The following CELF2 variants were observed in gnomAD, a reference collection of about 807,000 sequenced individuals.
CELF2 encodes the protein CUG triplet repeat RNA-binding protein 2.
In CELF2, 8 loss-of-function variants were observed where a neutral mutation model predicts 62.6. That is an observed-to-expected ratio of 0.13 (90% CI 0.07 to 0.23). The LOEUF (loss-of-function observed/expected upper bound fraction) is 0.23, where lower values mean the gene tolerates loss of function less well. Among genes scored for constraint, CELF2 ranks in the 10% least tolerant of loss-of-function variants. CELF2 has a pLI of 1.00. For missense variants in CELF2, 333 were observed against 671.0 expected, an observed-to-expected ratio of 0.50 and a Z score of 5.56; for synonymous variants, 258 against 250.0, an observed-to-expected ratio of 1.03 and a Z score of -0.30.
At chr10:10,918,428 A>G (rs1486166871) in intron 1 of CELF2, among the ~76,000 whole-genome samples, 1 of 152,228 alleles carries the variant, frequency 6.6e-6, no homozygotes. Context: ...ATAAAAGCTG[A>G]TTGTTTAATA....
the CELF2 span, among the ~76,000 whole-genome samples, chr10:10,681,360 C>T: frequency 6.6e-6 from 1 of 152,168 alleles, no homozygotes; most frequent in Non-Finnish European, 1.5e-5. Context: ...AAACCTCCAA[C>T]CGAGATGAAA....
intron 1 of CELF2, among the ~76,000 whole-genome samples, chr10:11,128,811 T>G (rs2059151488): frequency 6.6e-6 from 1 of 152,188 alleles, no homozygotes; most frequent in African/African-American, 2.4e-5. Flanking sequence ...TATACAATCA[T>G]GTCGTCTGCA....
At chr10:10,791,268 T>C in the CELF2 span, among the ~76,000 whole-genome samples, 1 of 151,882 alleles carries the variant, frequency 6.6e-6, no homozygotes, top group Non-Finnish European at 1.5e-5. Context: ...TTTTATAGAT[T>C]GAGTGTGGTA....
intron 1 of CELF2, among the ~76,000 whole-genome samples, chr10:11,088,998 G>A (rs2141848404): frequency 6.6e-6 from 1 of 152,344 alleles, no homozygotes; most frequent in East Asian, 1.9e-4. Flanking sequence ...CTGGGTTTGA[G>A]AGAGGCGAGC....
chr10:11,239,722 T>C (rs376111645), intron 3 of CELF2, among the ~76,000 whole-genome samples: 9 of 152,208 alleles, frequency 5.9e-5, no homozygotes, highest in South Asian at 2.1e-4. Context: ...TTTTTTAAAC[T>C]GGCTTAGATC....
chr10:11,090,294 G>A (rs2047978352), intron 1 of CELF2, among the ~76,000 whole-genome samples: 1 of 152,044 alleles, frequency 6.6e-6, no homozygotes, highest in Admixed American at 6.5e-5. Flanking sequence ...GAGGATTTTT[G>A]TATATGTTTG....
the CELF2 span, among the ~76,000 whole-genome samples, chr10:10,702,659 A>G: frequency 2.0e-5 from 3 of 152,232 alleles, no homozygotes; most frequent in Admixed American, 6.5e-5. Flanking sequence ...ATCCTGGCGC[A>G]CTGCAACTTC....
rs549947027 is a variant in CELF2 at position 10,930,734 on chromosome 10, A to AT, written c.89+10742dup. Among the ~76,000 whole-genome samples the AT allele has an allele frequency of 1.1e-3, 166 of 152,234 alleles. 1 individual carries two copies. Among genetic ancestry groups the AT allele is most frequent in the African/African-American group, 3.7e-3 (155 of 41,548 alleles). On this transcript the variant is annotated intron_variant, in intron 2 of 13. Transcript: ENST00000636488. Reference sequence around the variant, plus strand: ...AAGTTGCTCGTCCCTTGGGTGAATAATTTTTTTCCATAACCTTTTGCCATT... The same window carrying AT: ...AAGTTGCTCGTCCCTTGGGTGAATAATTTTTTTTCCATAACCTTTTGCCATT...
At chr10:11,293,269 G>T (rs1029250940) in intron 9 of CELF2, among the ~76,000 whole-genome samples, 1 of 152,138 alleles carries the variant, frequency 6.6e-6, no homozygotes, top group African/African-American at 2.4e-5. Context: ...AGTGTGGGTG[G>T]GTATAAAAGC....
intron 12 of CELF2, among the ~76,000 whole-genome samples, chr10:11,327,004 G>A (rs961948231): frequency 6.6e-6 from 1 of 152,124 alleles, no homozygotes; most frequent in East Asian, 1.9e-4. Context: ...TAATCCTAAG[G>A]TCTAATTTGT....
At chr10:11,147,061 A>G (rs1034439323) in intron 1 of CELF2, among the ~76,000 whole-genome samples, 7 of 152,230 alleles carry the variant, frequency 4.6e-5, no homozygotes, top group African/African-American at 1.7e-4. Context: ...GAGACACATT[A>G]CTACGTCCTG....
chr10:11,194,871 C>T (rs974995185), intron 2 of CELF2, among the ~76,000 whole-genome samples: 6 of 152,208 alleles, frequency 3.9e-5, no homozygotes, highest in African/African-American at 1.4e-4. Context: ...ATAGTACCAT[C>T]TGGGTTACAA....
chr10:11,040,143 A>G (rs2061578579), intron 1 of CELF2, among the ~76,000 whole-genome samples: 1 of 152,144 alleles, frequency 6.6e-6, no homozygotes, highest in Admixed American at 6.5e-5. Flanking sequence ...GAAGTTCAAG[A>G]ATTCTCAGGG....
the CELF2 span, among the ~76,000 whole-genome samples, chr10:10,595,253 G>C: frequency 3.3e-5 from 5 of 152,248 alleles, no homozygotes; most frequent in African/African-American, 1.2e-4. Flanking sequence ...AAATCTAAAG[G>C]CCTGAAGACT....
At chr10:11,279,345 C>CT (rs1395117037) in intron 8 of CELF2, among the ~76,000 whole-genome samples, 1 of 152,156 alleles carries the variant, frequency 6.6e-6, no homozygotes, top group East Asian at 1.9e-4. Context: ...CATTTATCAA[C>CT]TTGAGATCTG....
At chr10:10,799,399 G>A (rs1418280429) in intron 1 of CELF2, among the ~76,000 whole-genome samples, 2 of 151,978 alleles carry the variant, frequency 1.3e-5, no homozygotes, top group African/African-American at 2.4e-5. Context: ...CAGAAAAATC[G>A]CTTAAACTTA....
chr10:10,913,207 A>ATTC (rs2063967286), intron 1 of CELF2, among the ~76,000 whole-genome samples: 1 of 152,124 alleles, frequency 6.6e-6, no homozygotes, highest in Non-Finnish European at 1.5e-5. Context: ...CATAGTGATG[A>ATTC]ATGACCAGAG....
chr10:10,906,170 CTATT>C (rs10617615), intron 1 of CELF2, among the ~76,000 whole-genome samples: 47,909 of 151,384 alleles, frequency 0.32, 8,347 homozygotes, highest in East Asian at 0.67. Context: ...GGCTGTCTAA[CTATT>C]TATTTCCCAG....
the CELF2 span, among the ~76,000 whole-genome samples, chr10:10,571,817 A>G: frequency 1.3e-5 from 2 of 152,176 alleles, no homozygotes; most frequent in African/African-American, 4.8e-5. Flanking sequence ...AGTGAAGTAT[A>G]GGCACGGACG....
Sources: allele counts gnomAD v4.1 joint callset (sites outside exome capture counted in the v4.1 genomes callset), GRCh38; gene constraint gnomAD v4.1.1; transcripts MANE v1.5; gene names NCBI Gene and HGNC (gene_info 2026-07-23, HGNC 2026-07-21).